Variants in PRKCA observed in about 807,000 individuals in gnomAD.
PRKCA encodes the protein protein kinase C alpha type.
In PRKCA, 27 loss-of-function variants were observed where a neutral mutation model predicts 87.0. The observed-to-expected ratio is 0.31, with a 90% CI of 0.23 to 0.43. The LOEUF (loss-of-function observed/expected upper bound fraction) is 0.43. Among genes scored for constraint, PRKCA ranks in the 20% least tolerant of loss-of-function variants. The pLI, the probability that PRKCA is intolerant of heterozygous loss-of-function variation, is 1.00. For missense variants in PRKCA, 518 were observed against 852.3 expected, an observed-to-expected ratio of 0.61 and a Z score of 4.88; for synonymous variants, 329 against 311.1, an observed-to-expected ratio of 1.06 and a Z score of -0.61.
intron 3 of PRKCA, among the ~76,000 whole-genome samples, chr17:66,587,862 C>T (rs553495316): frequency 0.018 from 929 of 51,854 alleles, 38 homozygotes; most frequent in Middle Eastern, 0.053. Context: ...TACATATATA[C>T]ATATGTATGT....
intron 4 of PRKCA, 77 bp downstream of exon 4, chr17:66,641,543 A>C: frequency 9.5e-7 from 1 of 1,053,548 alleles, no homozygotes; most frequent in African/African-American, 1.6e-5. Context: ...AGGAAGGCTC[A>C]GTAACTTTTC....
intron 13 of PRKCA, among the ~76,000 whole-genome samples, chr17:66,769,199 T>A (rs1318055378): frequency 6.6e-6 from 1 of 151,866 alleles, no homozygotes; most frequent in African/African-American, 2.4e-5. Context: ...CTAAAAAAAT[T>A]GTTAAAAAAT....
chr17:66,738,850 A>G lies in PRKCA; in HGVS notation c.1317A>G (p.Gln439=), dbSNP rs768404696. 1 of 1,610,750 alleles carries G rather than the reference A, an allele frequency of 6.2e-7. No homozygotes were observed. The change falls in exon 11 of 17, where the codon CAA becomes CAG. Residue 439 remains glutamine (Q), a synonymous_variant. Transcript: ENST00000413366. ...IQQVGKFKEP[Q]AVFYAAEISI... is the part of the protein sequence containing the mutation. The stretch of plus-strand genomic sequence containing the variant: ...AAGTAGGAAAATTTAAGGAACCACA[A>G]GCAGTGTGAGTATTATTTTTTAAGT...
intron 3 of PRKCA, among the ~76,000 whole-genome samples, chr17:66,583,767 G>A (rs946498933): frequency 2.0e-5 from 3 of 152,008 alleles, no homozygotes; most frequent in Admixed American, 2.0e-4. Context: ...TTTGAAGATG[G>A]ATTTGCCTTT....
At chr17:66,382,712 C>T (rs1361653293) in intron 2 of PRKCA, among the ~76,000 whole-genome samples, 1 of 152,100 alleles carries the variant, frequency 6.6e-6, no homozygotes, top group Admixed American at 6.5e-5. Flanking sequence ...GATTTTGCTT[C>T]CCAGGAGACA....
At chr17:66,748,390 G>A (rs1227532459) in intron 13 of PRKCA, among the ~76,000 whole-genome samples, 2 of 152,188 alleles carry the variant, frequency 1.3e-5, no homozygotes, top group African/African-American at 4.8e-5. Flanking sequence ...CCTATGACCT[G>A]TCTTCTTGAG....
chr17:66,334,194 G>C (rs1356520107), intron 2 of PRKCA, among the ~76,000 whole-genome samples: 1 of 152,192 alleles, frequency 6.6e-6, no homozygotes, highest in African/African-American at 2.4e-5. Flanking sequence ...AGGTTACAGT[G>C]AGCTGAGATT....
chr17:66,469,178 C>G (rs1237126866), intron 2 of PRKCA, among the ~76,000 whole-genome samples: 1 of 152,206 alleles, frequency 6.6e-6, no homozygotes, highest in South Asian at 2.1e-4. Flanking sequence ...GCACCCTCCT[C>G]TACCCCCAGC....
intron 5 of PRKCA, among the ~76,000 whole-genome samples, chr17:66,671,562 C>G (rs1972185267): frequency 6.6e-6 from 1 of 152,162 alleles, no homozygotes; most frequent in Non-Finnish European, 1.5e-5. Context: ...AACTGCCCAC[C>G]ATTTTCAGAT....
At chr17:66,394,588 T>C (rs1473839795) in intron 2 of PRKCA, among the ~76,000 whole-genome samples, 2 of 152,196 alleles carry the variant, frequency 1.3e-5, no homozygotes, top group Non-Finnish European at 2.9e-5. Context: ...TTCTGTAGTA[T>C]TGGGGCGGAT....
intron 13 of PRKCA, among the ~76,000 whole-genome samples, chr17:66,772,966 A>C (rs973338470): frequency 2.0e-5 from 3 of 152,084 alleles, no homozygotes; most frequent in South Asian, 2.1e-4. Context: ...CTCATTTCTA[A>C]CTGATAAGCA....
At chr17:66,460,600 G>T (rs1914800424) in intron 2 of PRKCA, among the ~76,000 whole-genome samples, 1 of 152,126 alleles carries the variant, frequency 6.6e-6, no homozygotes, top group Non-Finnish European at 1.5e-5. Flanking sequence ...CGTTTTAGTG[G>T]GATAAAACCT....
intron 8 of PRKCA, among the ~76,000 whole-genome samples, chr17:66,700,700 G>A (rs996303340): frequency 6.6e-6 from 1 of 152,106 alleles, no homozygotes; most frequent in East Asian, 1.9e-4. Context: ...GTTTACAGTA[G>A]CATCAAAAAG....
At chr17:66,334,535 G>A (rs959352942) in intron 2 of PRKCA, among the ~76,000 whole-genome samples, 1 of 152,166 alleles carries the variant, frequency 6.6e-6, no homozygotes, top group African/African-American at 2.4e-5. Context: ...GATGCTCCAC[G>A]TTAGGGAAGT....
intron 2 of PRKCA, among the ~76,000 whole-genome samples, chr17:66,406,607 TTTA>T (rs1030417090): frequency 4.1e-5 from 6 of 147,372 alleles, no homozygotes; most frequent in African/African-American, 1.5e-4. Flanking sequence ...TTTTTTTTTT[TTTA>T]AATGTCATAG....
chr17:66,324,681 A>G (rs1905874513), intron 2 of PRKCA, among the ~76,000 whole-genome samples: 1 of 152,186 alleles, frequency 6.6e-6, no homozygotes, highest in African/African-American at 2.4e-5. Flanking sequence ...ATGTGATAAA[A>G]AAAGCAGTAG....
In PRKCA at chr17:66,642,476, T is replaced by G. The variant is rs1323928943; in HGVS notation, c.400+1010T>G. On this transcript the variant is annotated intron_variant, in intron 4 of 16. Coordinates refer to ENST00000413366, the MANE Select transcript of PRKCA (RefSeq NM_002737.3). ...TGAGATTCCTCAGGCTATGTTTGTT[T>G]AAATACAAGCTGATACCTTTAGGAC... Among the ~76,000 whole-genome samples the G allele has an allele frequency of 1.3e-5, 2 of 152,152 alleles. 1 individual carries two copies. The highest frequency in any genetic ancestry group is 3.9e-4 in the East Asian group (2 of 5,190).
At chr17:66,582,282 C>A (rs949340849) in intron 3 of PRKCA, among the ~76,000 whole-genome samples, 67 of 152,158 alleles carry the variant, frequency 4.4e-4, no homozygotes, top group Admixed American at 4.3e-3. Flanking sequence ...ATATCCTTAT[C>A]CAAAATGCCT....
intron 3 of PRKCA, among the ~76,000 whole-genome samples, chr17:66,594,708 C>T (rs1037613562): frequency 1.2e-4 from 19 of 152,174 alleles, no homozygotes; most frequent in African/African-American, 3.9e-4. Context: ...AAATAAATTA[C>T]GAATGGAGAT....
Sources: gnomAD v4.1 joint callset for allele counts (sites outside exome capture counted in the v4.1 genomes callset) on GRCh38, gnomAD v4.1.1 for gene constraint, MANE v1.5 for transcripts, NCBI Gene and HGNC (gene_info 2026-07-23, HGNC 2026-07-21) for gene names.